FAM168B: variants seen among roughly 807,000 people sequenced by gnomAD.
FAM168B encodes the protein myelin-associated neurite-outgrowth inhibitor.
In FAM168B, 19 loss-of-function variants were observed where a neutral mutation model predicts 21.8. That is an observed-to-expected ratio of 0.87 (90% CI 0.61 to 1.28). The LOEUF is 1.28. FAM168B is among the 50% of genes most tolerant of loss of function. The pLI is 0.00. For missense variants in FAM168B, 233 were observed against 263.1 expected, an observed-to-expected ratio of 0.89 and a Z score of 0.79; for synonymous variants, 126 against 104.8, an observed-to-expected ratio of 1.20 and a Z score of -1.24.
chr2:131,077,688 T>G (rs1693228069), intron 2 of FAM168B, among the ~76,000 whole-genome samples: 1 of 152,216 alleles, frequency 6.6e-6, no homozygotes, highest in Non-Finnish European at 1.5e-5. Context: ...AGGCCGTGGC[T>G]GGAGGACAGA....
At chr2:131,076,686 C>T (rs1273273379) in intron 2 of FAM168B, among the ~76,000 whole-genome samples, 1 of 148,562 alleles carries the variant, frequency 6.7e-6, no homozygotes, top group Non-Finnish European at 1.5e-5. Flanking sequence ...GATCACCTTA[C>T]AAAAGTAAAA....
At chr2:131,077,645 C>A (rs1030578031) in intron 2 of FAM168B, among the ~76,000 whole-genome samples, 4 of 152,210 alleles carry the variant, frequency 2.6e-5, no homozygotes, top group African/African-American at 9.7e-5. Context: ...TCAGCATGGG[C>A]AAGAGGCCAA....
In FAM168B at chr2:131,049,057, T is replaced by C. The variant is rs571055110; in HGVS notation, c.*3408A>G. On this transcript the variant is annotated 3_prime_UTR_variant, in exon 7 of 7. Coordinates refer to ENST00000389915, the MANE Select transcript of FAM168B (RefSeq NM_001009993.4). ...CCAATACTTACATAACTAGTACATG[T>C]TGGCCTTTCACCAGCACTCACTGGC... 18 of 985,492 alleles carry C rather than the reference T, an allele frequency of 1.8e-5. No homozygotes were observed. The East Asian group carries it at 6.8e-4, about 37-fold the overall frequency. 61.0% of individuals were successfully genotyped at this position (985,492 alleles called of 1,614,324 possible). A position where few individuals can be genotyped will look rare whatever the true frequency, so the allele number is the denominator to read the frequency against.
At chr2:131,082,174 G>C (rs1279937638) in intron 2 of FAM168B, among the ~76,000 whole-genome samples, 1 of 152,136 alleles carries the variant, frequency 6.6e-6, no homozygotes, top group African/African-American at 2.4e-5. Context: ...AGTTTAATCA[G>C]AACAAAGCCC....
In FAM168B at chr2:131,052,139, T is replaced by C. The variant is rs904144412; in HGVS notation, c.*326A>G. 11 of 985,826 alleles carry C rather than the reference T, an allele frequency of 1.1e-5. No individual in the cohort carries two copies. The highest frequency in any genetic ancestry group is 1.3e-5 in the Non-Finnish European group (11 of 829,934). The allele number at this position is 985,826 out of a possible 1,614,324, so 61.1% of individuals were successfully genotyped here. A position where few individuals can be genotyped will look rare whatever the true frequency, so the allele number is the denominator to read the frequency against. On this transcript the variant is annotated 3_prime_UTR_variant, in exon 7 of 7. Coordinates refer to ENST00000389915, the MANE Select transcript of FAM168B (RefSeq NM_001009993.4). The stretch of plus-strand genomic sequence containing the variant: ...TTTTGCATCAGTCACTGCAGGTAGA[T>C]TGAGCAAGCTTTTTGTGTTTGTTTT...
rs114390791 is a variant in FAM168B at position 131,065,878 on chromosome 2, C to G, written c.154+5977G>C. On this transcript the variant is annotated intron_variant, in intron 3 of 6. Transcript: ENST00000389915. ...CTTATCATTAAATATTCTCCATAAACAAGTACCAAAACCAGATAAACACTG... is the reference window on the plus strand; with the variant it reads ...CTTATCATTAAATATTCTCCATAAAGAAGTACCAAAACCAGATAAACACTG... Among the ~76,000 whole-genome samples the G allele has an allele frequency of 5.7e-3, 846 of 149,562 alleles. 7 individuals are homozygous for G. The highest frequency in any genetic ancestry group is 0.019 in the African/African-American group (776 of 40,746).
intron 1 of FAM168B, among the ~76,000 whole-genome samples, chr2:131,083,652 A>C (rs1693532247): frequency 6.6e-6 from 1 of 152,272 alleles, no homozygotes; most frequent in South Asian, 2.1e-4. Context: ...CTGCTTTTCA[A>C]GAAATGTTTA....
At chr2:131,069,632 T>A (rs534956795) in intron 3 of FAM168B, among the ~76,000 whole-genome samples, 1 of 152,058 alleles carries the variant, frequency 6.6e-6, no homozygotes, top group Non-Finnish European at 1.5e-5. Flanking sequence ...TAGCTGGGAC[T>A]ACAGGAGCCC....
chr2:131,069,010 T>A (rs963473395), intron 3 of FAM168B, among the ~76,000 whole-genome samples: 1 of 152,182 alleles, frequency 6.6e-6, no homozygotes, highest in Non-Finnish European at 1.5e-5. Flanking sequence ...AGCAAGACCC[T>A]GTCTCAAAAT....
At chr2:131,091,801 A>C (rs1694044657) in intron 1 of FAM168B, among the ~76,000 whole-genome samples, 1 of 151,798 alleles carries the variant, frequency 6.6e-6, no homozygotes, top group Non-Finnish European at 1.5e-5. Context: ...GCATGAAAAA[A>C]CTATTACTCT....
rs569465592 is a variant in FAM168B at position 131,051,289 on chromosome 2, A to G, written c.*1176T>C. On this transcript the variant is annotated 3_prime_UTR_variant, in exon 7 of 7. Coordinates refer to ENST00000389915, the MANE Select transcript of FAM168B (RefSeq NM_001009993.4). ...ATCCCAGAAGCAGCTACAGGTTTCT[A>G]CATTTCCAGACATATCCACGGCCCT... 20 of 985,392 alleles carry G rather than the reference A, an allele frequency of 2.0e-5. No homozygotes were observed. In the Middle Eastern group the frequency reaches 1.6e-3, roughly 77 times the overall value. 61.0% of individuals were successfully genotyped at this position (985,392 alleles called of 1,614,324 possible). A position where few individuals can be genotyped will look rare whatever the true frequency, so the allele number is the denominator to read the frequency against.
chr2:131,089,170 T>C (rs1212558379), intron 1 of FAM168B, among the ~76,000 whole-genome samples: 2 of 151,926 alleles, frequency 1.3e-5, no homozygotes, highest in Non-Finnish European at 2.9e-5. Flanking sequence ...TTCTCCACGT[T>C]GGTCAGGTTG....
At chr2:131,072,312 CG>C (rs1558973376) in intron 2 of FAM168B, among the ~76,000 whole-genome samples, 1 of 151,456 alleles carries the variant, frequency 6.6e-6, no homozygotes, top group Non-Finnish European at 1.5e-5. Flanking sequence ...TTAGTAGAGA[CG>C]GGGTTTCATC....
At chr2:131,079,356 T>G (rs1693321269) in intron 2 of FAM168B, among the ~76,000 whole-genome samples, 1 of 152,158 alleles carries the variant, frequency 6.6e-6, no homozygotes, top group South Asian at 2.1e-4. Context: ...ATACCTGTAA[T>G]CCCAGCTGCT....
chr2:131,055,170 G>A lies in FAM168B; in HGVS notation c.475+102C>T, dbSNP rs372998698. 146 of 1,163,712 alleles carry A rather than the reference G, an allele frequency of 1.3e-4. 1 individual carries two copies. The African/African-American group carries it at 2.1e-3, about 16-fold the overall frequency. 72.1% of individuals were successfully genotyped at this position (1,163,712 alleles called of 1,614,324 possible). A position where few individuals can be genotyped will look rare whatever the true frequency, so the allele number is the denominator to read the frequency against. ...TTTTCTGTCCTTCCACACAACTACA[G>A]CTATGAAAACCTAGAGCCAAGGGTC... On this transcript the variant is annotated intron_variant, in intron 5 of 6. Transcript: ENST00000389915.
chr2:131,055,841 A>G, intron 3 of FAM168B, 146 bp from the exon 4 acceptor site: 1 of 941,486 alleles, frequency 1.1e-6, no homozygotes, highest in Non-Finnish European at 1.6e-6. Flanking sequence ...CTCCTCCACT[A>G]AGATCTGACT....
Position 131,049,120 on chromosome 2 carries a change from C to G in FAM168B, c.*3345G>C, listed in dbSNP as rs765582770. The G allele has an allele frequency of 2.0e-6, 2 of 985,356 alleles. No homozygotes were observed. Among genetic ancestry groups the G allele is most frequent in the Non-Finnish European group, 2.4e-6 (2 of 829,946 alleles). 61.0% of individuals were successfully genotyped at this position (985,356 alleles called of 1,614,324 possible). Reference sequence around the variant, plus strand: ...CTTACATACCTTACGGGGGCCAACACTGACAGGTATTAGTACGTCGCAAGT... The same window carrying G: ...CTTACATACCTTACGGGGGCCAACAGTGACAGGTATTAGTACGTCGCAAGT... On this transcript the variant is annotated 3_prime_UTR_variant, in exon 7 of 7. Coordinates refer to ENST00000389915, the MANE Select transcript of FAM168B (RefSeq NM_001009993.4).
At chr2:131,068,948 C>T (rs927501643) in intron 3 of FAM168B, among the ~76,000 whole-genome samples, 8 of 152,136 alleles carry the variant, frequency 5.3e-5, no homozygotes, top group African/African-American at 1.7e-4. Flanking sequence ...CCTGAAAAGT[C>T]GAGGCTGCAG....
chr2:131,090,029 CAA>C (rs995864104), intron 1 of FAM168B, among the ~76,000 whole-genome samples: 1 of 122,424 alleles, frequency 8.2e-6, no homozygotes, highest in Non-Finnish European at 1.7e-5. Flanking sequence ...CGCTCCATCT[CAA>C]AAAAAGAGGC....
Sources: gnomAD v4.1 joint callset for allele counts (sites outside exome capture counted in the v4.1 genomes callset) on GRCh38, gnomAD v4.1.1 for gene constraint, MANE v1.5 for transcripts, NCBI Gene and HGNC (gene_info 2026-07-23, HGNC 2026-07-21) for gene names.